Variants in OSBPL6 observed in about 807,000 individuals in gnomAD.
OSBPL6 encodes oxysterol-binding protein-related protein 6.
In OSBPL6, 49 loss-of-function variants were observed where a neutral mutation model predicts 125.8. The observed-to-expected ratio is 0.39, with a 90% confidence interval of 0.31 to 0.49. The LOEUF (loss-of-function observed/expected upper bound fraction) is 0.49. Ranked by LOEUF, OSBPL6 falls within the 20% of genes least tolerant of loss-of-function variation. The pLI is 0.88. For synonymous variants in OSBPL6, 394 were observed against 391.8 expected (o/e 1.01, Z -0.07); for missense variants, 986 against 1,135.4 (o/e 0.87, Z 1.89).
At chr2:178,239,267 G>T (rs889308459) in intron 1 of OSBPL6, among the ~76,000 whole-genome samples, 3 of 152,196 alleles carry the variant, frequency 2.0e-5, no homozygotes, top group African/African-American at 7.2e-5. Flanking sequence ...GATGAGGGAA[G>T]ATGAAAATAA....
chr2:178,310,119 A>G (rs1252634205), intron 3 of OSBPL6, among the ~76,000 whole-genome samples: 1 of 152,178 alleles, frequency 6.6e-6, no homozygotes, highest in Non-Finnish European at 1.5e-5. Flanking sequence ...CTATGAAAAA[A>G]TTGGAAGGTC....
At chr2:178,222,335 A>C (rs2153970610) in intron 1 of OSBPL6, among the ~76,000 whole-genome samples, 1 of 152,300 alleles carries the variant, frequency 6.6e-6, no homozygotes, top group East Asian at 1.9e-4. Flanking sequence ...CCCAAAACAA[A>C]GGTTTGCTGA....
At chr2:178,209,944 T>A (rs1432487532) in intron 1 of OSBPL6, among the ~76,000 whole-genome samples, 1 of 151,974 alleles carries the variant, frequency 6.6e-6, no homozygotes. Flanking sequence ...CTTTCCATAC[T>A]ATAGCCATAT....
intron 2 of OSBPL6, among the ~76,000 whole-genome samples, chr2:178,287,248 A>T (rs1257169042): frequency 6.6e-6 from 1 of 151,032 alleles, no homozygotes. Context: ...AATGCCTGTT[A>T]TTTAAGCAGA....
chr2:178,364,972 T>A (rs1381233576), intron 13 of OSBPL6, among the ~76,000 whole-genome samples: 1 of 151,924 alleles, frequency 6.6e-6, no homozygotes, highest in African/African-American at 2.4e-5. Flanking sequence ...AGGTCAGGAG[T>A]TCGAGACCAG....
At chr2:178,199,292 CA>C (rs139355376) in intron 1 of OSBPL6, among the ~76,000 whole-genome samples, 2 of 152,280 alleles carry the variant, frequency 1.3e-5, no homozygotes, top group South Asian at 2.1e-4. Context: ...CTGCTTTAAA[CA>C]AATAAAAATT....
At chr2:178,375,917 G>A (rs1165366780) in intron 15 of OSBPL6, among the ~76,000 whole-genome samples, 1 of 152,198 alleles carries the variant, frequency 6.6e-6, no homozygotes, top group African/African-American at 2.4e-5. Context: ...TGTGAAGCAG[G>A]TTATTGCATG....
intron 1 of OSBPL6, among the ~76,000 whole-genome samples, chr2:178,212,392 T>C (rs1346936628): frequency 6.6e-6 from 1 of 152,220 alleles, no homozygotes; most frequent in Non-Finnish European, 1.5e-5. Flanking sequence ...TCCTATCGGT[T>C]CAGTGTTTTA....
intron 1 of OSBPL6, among the ~76,000 whole-genome samples, chr2:178,258,677 G>A (rs2091962567): frequency 6.6e-6 from 1 of 151,982 alleles, no homozygotes; most frequent in Admixed American, 6.6e-5. Flanking sequence ...CGCCTATCAT[G>A]ATAGTTCTGT....
rs16866266 is a variant in OSBPL6, at chr2:178,337,539, T to C, written c.790+1106T>C. On this transcript the variant is annotated intron_variant, in intron 9 of 24. Coordinates refer to ENST00000190611, the MANE Select transcript of OSBPL6 (RefSeq NM_032523.4). ...TGTAGCATGGCCCAGGTGAAGGCTC[T>C]AGCAGGGTGATGAGACATAGCGCAG... 7.4e-4 allele frequency among the ~76,000 whole-genome samples: 112 copies of C among 152,336 alleles called. No individual in the cohort carries two copies. In the East Asian group the frequency reaches 0.02, roughly 27 times the overall value.
intron 1 of OSBPL6, among the ~76,000 whole-genome samples, chr2:178,239,591 A>ATTTTTTTT (rs1553528648): frequency 4.4e-5 from 6 of 137,262 alleles, no homozygotes; most frequent in African/African-American, 1.7e-4. Flanking sequence ...AATGAACTTT[A>ATTTTTTTT]TTTTATTTAT....
intron 1 of OSBPL6, among the ~76,000 whole-genome samples, chr2:178,244,672 T>C (rs916763014): frequency 6.6e-6 from 1 of 152,232 alleles, no homozygotes. Context: ...TATCCTGGCA[T>C]TTGCTATGCA....
chr2:178,296,841 A>G (rs1327242678), intron 2 of OSBPL6, among the ~76,000 whole-genome samples: 2 of 152,224 alleles, frequency 1.3e-5, no homozygotes, highest in African/African-American at 2.4e-5. Flanking sequence ...ATGAATGAGC[A>G]ATAATTGAAA....
intron 15 of OSBPL6, among the ~76,000 whole-genome samples, chr2:178,377,029 G>A (rs1269833359): frequency 6.6e-6 from 1 of 152,204 alleles, no homozygotes; most frequent in Admixed American, 6.5e-5. Context: ...TTCCCCTTCA[G>A]CTAAGGCTCG....
rs2154121419 is a variant in OSBPL6 at position 178,395,632 on chromosome 2, T to C, written c.*73T>C. On this transcript the variant is annotated 3_prime_UTR_variant, in exon 25 of 25. Coordinates refer to ENST00000190611, the MANE Select transcript of OSBPL6 (RefSeq NM_032523.4). ...TAACTATGCACAATTATGTTTCTTA[T>C]AGCTATGTGTGGTTTCTGGGTCAAC... 4 of 1,185,074 alleles carry C rather than the reference T, an allele frequency of 3.4e-6. No individual in the cohort carries two copies. Among genetic ancestry groups the C allele is most frequent in the Non-Finnish European group, 4.9e-6 (4 of 812,020 alleles). The allele number at this position is 1,185,074 out of a possible 1,614,324, so 73.4% of individuals were successfully genotyped here.
chr2:178,324,322 C>A, intron 4 of OSBPL6, 53 bp downstream of exon 4: 1 of 1,306,974 alleles, frequency 7.7e-7, no homozygotes, highest in Non-Finnish European at 1.1e-6. Flanking sequence ...TGCTCTGGGG[C>A]CAATTGAACT....
intron 3 of OSBPL6, among the ~76,000 whole-genome samples, chr2:178,323,228 T>C (rs1688398705): frequency 6.6e-6 from 1 of 152,226 alleles, no homozygotes; most frequent in African/African-American, 2.4e-5. Context: ...AAAGAAATTA[T>C]TATTTTGATT....
intron 17 of OSBPL6, 61 bp from the exon 18 acceptor site, chr2:178,383,978 A>T: frequency 1.3e-6 from 2 of 1,568,736 alleles, no homozygotes; most frequent in South Asian, 1.1e-5. Flanking sequence ...AGGGATGAGG[A>T]ACAAACAGAC....
intron 20 of OSBPL6, 103 bp from the exon 21 acceptor site, chr2:178,388,906 G>T: frequency 8.3e-7 from 1 of 1,210,438 alleles, no homozygotes. Context: ...GGAGGAGAAT[G>T]AGGGAAAAGG....
Sources: gnomAD v4.1 joint callset for allele counts (sites outside exome capture counted in the v4.1 genomes callset) on GRCh38, gnomAD v4.1.1 for gene constraint, MANE v1.5 for transcripts, NCBI Gene and HGNC (gene_info 2026-07-23, HGNC 2026-07-21) for gene names.